Variants in CLOCK observed in about 807,000 individuals in gnomAD.
CLOCK encodes the protein circadian locomoter output cycles protein kaput.
In CLOCK, 43 loss-of-function variants were observed where a neutral mutation model predicts 118.4. The observed-to-expected ratio is 0.36, with a 90% CI of 0.28 to 0.47. The LOEUF is 0.47. Ranked by LOEUF, CLOCK falls within the 20% of genes least tolerant of loss-of-function variation. CLOCK has a pLI of 1.00. For synonymous variants in CLOCK, 326 were observed against 339.2 expected, an observed-to-expected ratio of 0.96 and a Z score of 0.43; for missense variants, 846 against 999.9, an observed-to-expected ratio of 0.85 and a Z score of 2.08.
In CLOCK at chr4:55,428,993, T is replaced by A. The variant is rs1389296772; in HGVS notation, c.*6422A>T. 13 of 147,788 alleles carry A rather than the reference T, an allele frequency of 8.8e-5. No homozygotes were observed. The highest frequency in any genetic ancestry group is 3.3e-4 in the African/African-American group (13 of 39,160). 9.2% of individuals were successfully genotyped at this position (147,788 alleles called of 1,614,324 possible). Reference sequence around the variant, plus strand: ...CACATCTTTTTTTTTTTTTTTTTTTTTAAAAAGACATTTCCTGGCCAATTT... The same window carrying A: ...CACATCTTTTTTTTTTTTTTTTTTTATAAAAAGACATTTCCTGGCCAATTT... On this transcript the variant is annotated 3_prime_UTR_variant, in exon 23 of 23. Coordinates refer to ENST00000513440, the MANE Select transcript of CLOCK (RefSeq NM_004898.4).
At chr4:55,466,086 C>T (rs1376032187) in intron 8 of CLOCK, among the ~76,000 whole-genome samples, 2 of 152,090 alleles carry the variant, frequency 1.3e-5, no homozygotes, top group Admixed American at 1.3e-4. Context: ...GCTGTGTCCC[C>T]ACCCAAATCT....
rs531717762 is a variant in CLOCK at position 55,521,301 on chromosome 4, C to A, written c.-289-11236G>T. On this transcript the variant is annotated intron_variant, in intron 1 of 22. Transcript: ENST00000513440. The stretch of plus-strand genomic sequence containing the variant: ...TGGCATGATCTCAGCTCACTGCAAC[C>A]CACACCTCCTGGGTTCAAGCGATTC... Among the ~76,000 whole-genome samples, 9 of 152,264 alleles carry A rather than the reference C, an allele frequency of 5.9e-5. No homozygotes were observed. The South Asian group carries it at 1.9e-3, about 32-fold the overall frequency.
chr4:55,497,594 C>T (rs60203886), intron 2 of CLOCK, among the ~76,000 whole-genome samples: 8 of 152,184 alleles, frequency 5.3e-5, no homozygotes, highest in Non-Finnish European at 1.0e-4. Context: ...GACTACAGTA[C>T]TATGCCAGTA....
chr4:55,442,615 C>G lies in CLOCK; in HGVS notation c.1922G>C (p.Ser641Thr). 1 of 1,612,990 alleles carries G rather than the reference C, an allele frequency of 6.2e-7. No individual in the cohort carries two copies. ...TSTQSQQNVL[S>T]GHSQQTSLPS... ...TAGAGATGTTTGCTGACTGTGCCCA[C>G]TCAGTACATTTTGTTGACTCTGTTA... The change falls in exon 21 of 23, where the codon AGT becomes ACT. Residue 641 changes from serine to threonine, a missense_variant. Ser to Thr is a moderately conservative substitution (Grantham distance 58). Coordinates refer to ENST00000513440, the MANE Select transcript of CLOCK (RefSeq NM_004898.4).
At chr4:55,541,382 T>C (rs1217057338) in intron 1 of CLOCK, among the ~76,000 whole-genome samples, 2 of 152,208 alleles carry the variant, frequency 1.3e-5, no homozygotes, top group Admixed American at 6.5e-5. Context: ...GCAACAGCCA[T>C]TGGTGTAATG....
chr4:55,542,150 G>A lies in CLOCK; in HGVS notation c.-290+4632C>T, dbSNP rs546614846. On this transcript the variant is annotated intron_variant, in intron 1 of 22. Transcript: ENST00000513440. ...GAGGTCAGCAGTTTGAGACCAGCCC[G>A]GCCAACATGGAGAAACACCGTTGTC... 4.8e-5 allele frequency among the ~76,000 whole-genome samples: 7 copies of A among 144,710 alleles called. No homozygotes were observed. The East Asian group carries it at 1.1e-3, about 23-fold the overall frequency. The allele number at this position is 144,710 out of a possible 152,430, so 94.9% of individuals were successfully genotyped here.
At chr4:55,525,563 C>T (rs1433706133) in intron 1 of CLOCK, among the ~76,000 whole-genome samples, 3 of 151,952 alleles carry the variant, frequency 2.0e-5, no homozygotes, top group Non-Finnish European at 4.4e-5. Context: ...AGTGCAATGG[C>T]ACAATCTTGG....
intron 16 of CLOCK, among the ~76,000 whole-genome samples, chr4:55,449,823 C>A (rs1457412095): frequency 6.6e-6 from 1 of 151,888 alleles, no homozygotes; most frequent in African/African-American, 2.4e-5. Flanking sequence ...TAAAAAAACA[C>A]AATAAATAGT....
Position 55,449,404 on chromosome 4 carries a change from T to C in CLOCK, c.1441A>G (p.Ser481Gly). The C allele has an allele frequency of 6.2e-7, 1 of 1,613,602 alleles. No individual in the cohort carries two copies. Among genetic ancestry groups the C allele is most frequent in the Non-Finnish European group, 8.5e-7 (1 of 1,179,552 alleles). Reference sequence around the variant, plus strand: ...TCCACTAAAGAGCTTACCTGACTACTAAATGATGACCTTCTTTGCACCATC... The same window carrying C: ...TCCACTAAAGAGCTTACCTGACTACCAAATGATGACCTTCTTTGCACCATC... ...EKMVQRRSSF[S>G]SQSINSQSVG... The change falls in exon 17 of 23, where the codon AGT becomes GGT. Residue 481 changes from serine (S) to glycine (G), a missense_variant. By Grantham distance (56) the Ser-to-Gly change is moderately conservative. Transcript: ENST00000513440.
chr4:55,502,729 T>TTA (rs1448390944), intron 2 of CLOCK, among the ~76,000 whole-genome samples: 1 of 151,734 alleles, frequency 6.6e-6, no homozygotes, highest in Non-Finnish European at 1.5e-5. Context: ...ACTACTAGAG[T>TTA]GAAGAAGCAA....
chr4:55,431,031 GTGA>G lies in CLOCK; in HGVS notation c.*4381_*4383del, dbSNP rs2109593779. Reference sequence around the variant, plus strand: ...ATTTTATATAATTTCACCTAAGTAAGTGATGATTTGGGGATCCTTTAGAAATGG... The same window carrying G: ...ATTTTATATAATTTCACCTAAGTAAGTGATTTGGGGATCCTTTAGAAATGG... On this transcript the variant is annotated 3_prime_UTR_variant, in exon 23 of 23. Transcript: ENST00000513440. 1 of 152,302 alleles carries G rather than the reference GTGA, an allele frequency of 6.6e-6. No homozygotes were observed. The highest frequency in any genetic ancestry group is 2.1e-4 in the South Asian group (1 of 4,828). The allele number at this position is 152,302 out of a possible 1,614,324, so 9.4% of individuals were successfully genotyped here. A position where few individuals can be genotyped will look rare whatever the true frequency, so the allele number is the denominator to read the frequency against.
At chr4:55,448,632 G>GTGTA in intron 18 of CLOCK, 147 bp downstream of exon 18, 1 of 605,588 alleles carries the variant, frequency 1.7e-6, no homozygotes, top group Non-Finnish European at 3.0e-6. Context: ...GTGTGTGTGT[G>GTGTA]TGTGTGTGTG....
chr4:55,458,725 A>C (rs1352971768), intron 11 of CLOCK, among the ~76,000 whole-genome samples, 167 bp downstream of exon 11: 1 of 152,206 alleles, frequency 6.6e-6, no homozygotes, highest in Non-Finnish European at 1.5e-5. Flanking sequence ...ATACTAAAAA[A>C]TTAGTTATAC....
intron 13 of CLOCK, among the ~76,000 whole-genome samples, chr4:55,455,363 C>T (rs11733864): frequency 0.58 from 88,910 of 152,004 alleles, 27,610 homozygotes; most frequent in South Asian, 0.81. Context: ...ATAATAATAG[C>T]ATCTACCTTT....
In CLOCK at chr4:55,442,490, G is replaced by C. The variant is rs755128854; in HGVS notation, c.2047C>G (p.Pro683Ala). The change falls in exon 21 of 23, where the codon CCA becomes GCA. Residue 683 changes from proline to alanine, a missense_variant. Transcript: ENST00000513440. Reference sequence around the variant, plus strand: ...GCAGCACTCTGGGTGCTGTTTTGTGGCATACTAGATGGAATCTGGACCATG... The same window carrying C: ...GCAGCACTCTGGGTGCTGTTTTGTGCCATACTAGATGGAATCTGGACCATG... Reference protein sequence around the residue: ...GSMVQIPSSMPQNSTQSAAVT... With the variant: ...GSMVQIPSSMAQNSTQSAAVT... The C allele has an allele frequency of 6.2e-6, 10 of 1,607,258 alleles. No homozygotes were observed. The Admixed American group carries it at 1.7e-4, about 27-fold the overall frequency.
chr4:55,479,137 T>C, intron 5 of CLOCK, 174 bp from the exon 6 acceptor site: 1 of 515,448 alleles, frequency 1.9e-6, no homozygotes, highest in Admixed American at 3.8e-5. Context: ...TTCAGCTCAG[T>C]TTATTACTAA....
chr4:55,479,334 A>C (rs182678642), intron 5 of CLOCK, among the ~76,000 whole-genome samples: 5 of 152,262 alleles, frequency 3.3e-5, no homozygotes, highest in African/African-American at 1.2e-4. Flanking sequence ...TAACCAGTAA[A>C]CAAACAGCTA....
At chr4:55,513,052 T>C (rs1364128889) in intron 1 of CLOCK, among the ~76,000 whole-genome samples, 1 of 152,152 alleles carries the variant, frequency 6.6e-6, no homozygotes, top group Non-Finnish European at 1.5e-5. Flanking sequence ...GTACAGTGTA[T>C]ATAAAGTCTA....
intron 1 of CLOCK, among the ~76,000 whole-genome samples, chr4:55,522,271 G>GA (rs983187986): frequency 1.3e-4 from 20 of 151,624 alleles, no homozygotes; most frequent in Admixed American, 7.2e-4. Flanking sequence ...AAACTTTAAA[G>GA]AAAAAAAATA....
Sources: allele counts gnomAD v4.1 joint callset (sites outside exome capture counted in the v4.1 genomes callset), GRCh38; gene constraint gnomAD v4.1.1; transcripts MANE v1.5; gene names NCBI Gene and HGNC (gene_info 2026-07-23, HGNC 2026-07-21).